The following CHRNA4 variants were observed in gnomAD, a reference collection of about 807,000 sequenced individuals.
The protein encoded by CHRNA4 is neuronal acetylcholine receptor subunit alpha-4.
A neutral mutation model predicts 48.9 loss-of-function variants in CHRNA4; 28 were observed. That is an observed-to-expected ratio of 0.57 (90% CI 0.42 to 0.79). The LOEUF (loss-of-function observed/expected upper bound fraction) is 0.79. Ranked by LOEUF, CHRNA4 falls within the 30% of genes least tolerant of loss-of-function variation. CHRNA4 has a pLI of 0.00. For synonymous variants in CHRNA4, 425 were observed against 402.3 expected (o/e 1.06, Z -0.68); for missense variants, 859 against 898.4 (o/e 0.96, Z 0.56).
chr20:63,347,823 C>T (rs1182964997), intron 5 of CHRNA4, among the ~76,000 whole-genome samples: 1 of 152,208 alleles, frequency 6.6e-6, no homozygotes, highest in African/African-American at 2.4e-5. Context: ...GGCCTGGGCA[C>T]ACTGTGGGGA....
In CHRNA4 at chr20:63,350,002, T is replaced by A; in HGVS notation, c.1409A>T (p.His470Leu). 6.5e-7 allele frequency: 1 copy of A among 1,536,912 alleles called. No individual in the cohort carries two copies. Residue 470 changes from histidine (H) to leucine (L), a missense_variant, in exon 5 of 6, where the codon CAC becomes CTC. By Grantham distance (99) the His-to-Leu change is moderately conservative. Around this residue, in one of 3 missense-constraint regions of CHRNA4, gnomAD observed 478 missense variants for 455.4 expected, o/e 1.05. Transcript: ENST00000370263. The part of the protein sequence containing the change: ...LAKARSLSVQ[H>L]MSSPGEAVEG... ...CACCGCTTCGCCAGGGCTGGACATG[T>A]GCTGGACGCTGAGGGACCTGGCTTT...
At position 63,351,010 on chromosome 20, in the gene CHRNA4, G is replaced by A. The variant is rs201376529; in HGVS notation, c.401C>T (p.Ala134Val). The part of the protein sequence containing the change: ...VLYNNADGDF[A>V]VTHLTKAHLF... ...GTGGGCCTTGGTCAGGTGGGTGACCGCGAAGTCCCCGTCAGCACTGGGCAG... is the reference window on the plus strand; with the variant it reads ...GTGGGCCTTGGTCAGGTGGGTGACCACGAAGTCCCCGTCAGCACTGGGCAG... The change falls in exon 5 of 6, where the codon GCG becomes GTG. Residue 134 changes from alanine to valine, a missense_variant. This residue lies in a region of CHRNA4 where 342 missense variants were observed against 365.3 expected (regional missense o/e 0.94). Coordinates refer to ENST00000370263, the MANE Select transcript of CHRNA4 (RefSeq NM_000744.7). 19 of 1,612,528 alleles carry A rather than the reference G, an allele frequency of 1.2e-5. No homozygotes were observed. The highest frequency in any genetic ancestry group is 1.4e-5 in the Non-Finnish European group (16 of 1,179,808).
Position 63,343,290 on chromosome 20 carries a change from A to G in CHRNA4, c.*3448T>C. 2.2e-6 allele frequency: 1 copy of G among 445,196 alleles called. No individual in the cohort carries two copies. Among genetic ancestry groups the G allele is most frequent in the Non-Finnish European group, 4.5e-6 (1 of 219,940 alleles). The allele number at this position is 445,196 out of a possible 1,614,324, so 27.6% of individuals were successfully genotyped here. A position where few individuals can be genotyped will look rare whatever the true frequency, so the allele number is the denominator to read the frequency against. ...GGGAGCACATTCCAGGGCTTGGCAG[A>G]CATTGCCTGCAGAAGCCGGGCGGCC... is the stretch of plus-strand genomic sequence containing the variant. On this transcript the variant is annotated 3_prime_UTR_variant, in exon 6 of 6. Coordinates refer to ENST00000370263, the MANE Select transcript of CHRNA4 (RefSeq NM_000744.7).
At chr20:63,359,928 TGCCGG>T in intron 1 of CHRNA4, 2 of 428,208 alleles carry the variant, frequency 4.7e-6, no homozygotes, top group African/African-American at 3.0e-5. Context: ...TGTGTGTGTG[TGCCGG>T]GCGTGGCGTG....
Position 63,350,322 on chromosome 20 carries a change from C to T in CHRNA4, c.1089G>A (p.Val363=). 2.5e-6 allele frequency: 4 copies of T among 1,613,340 alleles called. No individual in the cohort carries two copies. Among genetic ancestry groups the T allele is most frequent in the East Asian group, 4.5e-5 (2 of 44,884 alleles). The part of the protein sequence containing the change: ...PRLLLMKRPS[V]VKDNCRRLIE... ...TGAGCCGCCGGCAATTGTCCTTGAC[C>T]ACGGACGGCCGCTTCATGAGGAGCA... Residue 363 remains valine, a synonymous_variant, in exon 5 of 6, where the codon GTG becomes GTA. Transcript: ENST00000370263.
rs201335931 is a variant in CHRNA4, at chr20:63,350,604, G to A, written c.807C>T (p.Ser269=). ...ACAGCGTGATCTTCTCGCCACACTC[G>A]GAGGGCAGGTAGAAGACCAGCACGG... ...CLTVLVFYLP[S]ECGEKITLCI... is the part of the protein sequence containing the mutation. The change falls in exon 5 of 6, where the codon TCC becomes TCT. Residue 269 remains serine (S), a synonymous_variant. Coordinates refer to ENST00000370263, the MANE Select transcript of CHRNA4 (RefSeq NM_000744.7). The A allele has an allele frequency of 2.2e-5, 35 of 1,613,926 alleles. No homozygotes were observed. In the East Asian group the frequency reaches 3.6e-4, roughly 16 times the overall value.
chr20:63,355,198 C>T (rs1053028039), intron 4 of CHRNA4, among the ~76,000 whole-genome samples: 7 of 152,192 alleles, frequency 4.6e-5, no homozygotes, highest in African/African-American at 1.4e-4. Context: ...CGCTGGCTGC[C>T]GGGCGCAGGG....
chr20:63,347,628 C>A (rs2068517139), intron 5 of CHRNA4, among the ~76,000 whole-genome samples: 1 of 152,214 alleles, frequency 6.6e-6, no homozygotes, highest in African/African-American at 2.4e-5. Context: ...CCGCTGTGTG[C>A]AGCCCAAGGC....
At chr20:63,357,037 C>G (rs2068729581) in intron 2 of CHRNA4, among the ~76,000 whole-genome samples, 1 of 114,218 alleles carries the variant, frequency 8.8e-6, no homozygotes, top group African/African-American at 2.9e-5. Flanking sequence ...CACGTCCCCA[C>G]AGGACCACAA....
At position 63,346,690 on chromosome 20, in the gene CHRNA4, TG is replaced by T; in HGVS notation, c.*47del. 6.3e-7 allele frequency: 1 copy of T among 1,577,306 alleles called. No individual in the cohort carries two copies. Among genetic ancestry groups the T allele is most frequent in the Non-Finnish European group, 8.6e-7 (1 of 1,167,424 alleles). On this transcript the variant is annotated 3_prime_UTR_variant, in exon 6 of 6. Coordinates refer to ENST00000370263, the MANE Select transcript of CHRNA4 (RefSeq NM_000744.7). The stretch of plus-strand genomic sequence containing the variant: ...GGCCCCAGGCCGGCCGCATGGATGC[TG>T]GCCCCGTGCACGGCAGCCCCAGGCC...
At chr20:63,359,046 A>G (rs371447570) in intron 2 of CHRNA4, among the ~76,000 whole-genome samples, 10 of 174 alleles carry the variant, frequency 0.057, no homozygotes, top group African/African-American at 0.17. Flanking sequence ...CACCAGAAAG[A>G]ACATATCTTC....
chr20:63,355,729 G>A, intron 4 of CHRNA4: 1 of 802,804 alleles, frequency 1.2e-6, no homozygotes. Flanking sequence ...CTCCAGTGCT[G>A]AGACCCAGGG....
chr20:63,357,360 C>T (rs866526963), intron 2 of CHRNA4, among the ~76,000 whole-genome samples: 6 of 152,250 alleles, frequency 3.9e-5, no homozygotes, highest in African/African-American at 9.6e-5. Context: ...ACCAGCTTCA[C>T]GTGGCCAGGC....
Position 63,343,744 on chromosome 20 carries a change from G to C in CHRNA4, c.*2994C>G. On this transcript the variant is annotated 3_prime_UTR_variant, in exon 6 of 6. Coordinates refer to ENST00000370263, the MANE Select transcript of CHRNA4 (RefSeq NM_000744.7). Reference sequence around the variant, plus strand: ...AGGAGGGGGCAGGATGGCGCAAGCAGCCGCAGAGGGGCCGGCGCCCCGGCA... The same window carrying C: ...AGGAGGGGGCAGGATGGCGCAAGCACCCGCAGAGGGGCCGGCGCCCCGGCA... The C allele has an allele frequency of 2.2e-6, 1 of 452,490 alleles. No individual in the cohort carries two copies. The highest frequency in any genetic ancestry group is 4.4e-6 in the Non-Finnish European group (1 of 225,560). 28.0% of individuals were successfully genotyped at this position (452,490 alleles called of 1,614,324 possible).
In CHRNA4 at chr20:63,354,920, G is replaced by A. The variant is rs116348357; in HGVS notation, c.383+1055C>T. 4.4e-3 allele frequency among the ~76,000 whole-genome samples: 672 copies of A among 152,266 alleles called. 4 individuals are homozygous for A. The highest frequency in any genetic ancestry group is 0.015 in the African/African-American group (633 of 41,536). On this transcript the variant is annotated intron_variant, in intron 4 of 5. Coordinates refer to ENST00000370263, the MANE Select transcript of CHRNA4 (RefSeq NM_000744.7). Reference sequence around the variant, plus strand: ...CCTCCCCAATGCACTCTGGAAAAGCGTCCGGCCCTCCCACTGCCGGAGGCC... The same window carrying A: ...CCTCCCCAATGCACTCTGGAAAAGCATCCGGCCCTCCCACTGCCGGAGGCC...
chr20:63,349,254 A>G lies in CHRNA4; in HGVS notation c.1758+399T>C, dbSNP rs2068543400. Reference sequence around the variant, plus strand: ...AGGCCCGCGGGGCAGGCACAGGCGCACTCTGGAGAAAGGGCCTTGGCAGTG... The same window carrying G: ...AGGCCCGCGGGGCAGGCACAGGCGCGCTCTGGAGAAAGGGCCTTGGCAGTG... On this transcript the variant is annotated intron_variant, in intron 5 of 5. Coordinates refer to ENST00000370263, the MANE Select transcript of CHRNA4 (RefSeq NM_000744.7). Among the ~76,000 whole-genome samples, 2 of 152,072 alleles carry G rather than the reference A, an allele frequency of 1.3e-5. 1 individual carries two copies. Among genetic ancestry groups the G allele is most frequent in the Admixed American group, 1.3e-4 (2 of 15,284 alleles).
chr20:63,352,190 C>T (rs906689076), intron 4 of CHRNA4, among the ~76,000 whole-genome samples: 1 of 152,220 alleles, frequency 6.6e-6, no homozygotes, highest in African/African-American at 2.4e-5. Flanking sequence ...TGCTCAAAGG[C>T]CAGGGCCTCT....
chr20:63,348,220 C>T (rs373645793), intron 5 of CHRNA4, among the ~76,000 whole-genome samples: 2 of 152,218 alleles, frequency 1.3e-5, no homozygotes, highest in South Asian at 2.1e-4. Context: ...GCGCGACCGC[C>T]GAGCTCAGAC....
intron 2 of CHRNA4, chr20:63,356,723 C>T: frequency 2.0e-6 from 1 of 502,840 alleles, no homozygotes; most frequent in Admixed American, 3.3e-5. Flanking sequence ...CCTCCTTCTG[C>T]CCACCTGCCT....
Sources: gnomAD v4.1 joint callset for allele counts (sites outside exome capture counted in the v4.1 genomes callset) on GRCh38, gnomAD v4.1.1 for gene constraint, gnomAD v4.1.1 regional missense constraint, MANE v1.5 for transcripts, NCBI Gene and HGNC (gene_info 2026-07-23, HGNC 2026-07-21) for gene names.